TNR: variants seen among roughly 807,000 people sequenced by gnomAD.
TNR encodes the protein tenascin-R.
TNR carries 45 observed loss-of-function variants against 150.4 expected under a neutral mutation model. That is an observed-to-expected ratio of 0.30 (90% confidence interval 0.24 to 0.38). The LOEUF (loss-of-function observed/expected upper bound fraction) is 0.38, where lower values mean the gene tolerates loss of function less well. Ranked by LOEUF, TNR falls within the 10% of genes least tolerant of loss-of-function variation. The pLI is 1.00. For missense variants in TNR, 1,544 were observed against 1,759.1 expected (o/e 0.88, Z 2.19); for synonymous variants, 687 against 678.4 (o/e 1.01, Z -0.20).
At chr1:175,438,308 G>A (rs577562401) in intron 2 of TNR, among the ~76,000 whole-genome samples, 274 of 152,220 alleles carry the variant, frequency 1.8e-3, no homozygotes, top group African/African-American at 6.5e-3. Flanking sequence ...TGTAGAAAAG[G>A]CCTTTGACAA....
At chr1:175,348,340 T>C (rs1453806053) in intron 18 of TNR, among the ~76,000 whole-genome samples, 1 of 152,176 alleles carries the variant, frequency 6.6e-6, no homozygotes, top group Non-Finnish European at 1.5e-5. Flanking sequence ...CCCAAATTAA[T>C]TTATAAATTC....
At chr1:175,507,203 G>C (rs568386768) in intron 2 of TNR, among the ~76,000 whole-genome samples, 15 of 152,310 alleles carry the variant, frequency 9.8e-5, no homozygotes, top group African/African-American at 3.4e-4. Flanking sequence ...AGCAGGGGCA[G>C]TGTCTGGGGA....
At chr1:175,473,579 G>T (rs905825429) in intron 2 of TNR, among the ~76,000 whole-genome samples, 1 of 152,146 alleles carries the variant, frequency 6.6e-6, no homozygotes, top group Non-Finnish European at 1.5e-5. Flanking sequence ...CGGTGAAGTG[G>T]GCAGAGAAGA....
chr1:175,649,860 C>T (rs1386302649), intron 1 of TNR, among the ~76,000 whole-genome samples: 1 of 152,214 alleles, frequency 6.6e-6, no homozygotes, highest in Non-Finnish European at 1.5e-5. Context: ...CTCACATGCA[C>T]CCTCTGTATT....
chr1:175,353,058 A>G (rs1406106940), intron 18 of TNR, among the ~76,000 whole-genome samples: 1 of 152,126 alleles, frequency 6.6e-6, no homozygotes, highest in East Asian at 1.9e-4. Context: ...CCTCACATGT[A>G]TGCACCCACA....
Position 175,379,036 on chromosome 1 carries a change from G to A in TNR, c.1963+516C>T, listed in dbSNP as rs138017736. Among the ~76,000 whole-genome samples, 951 of 152,152 alleles carry A rather than the reference G, an allele frequency of 6.3e-3. 9 individuals carry two copies. Among genetic ancestry groups the A allele is most frequent in the African/African-American group, 0.021 (888 of 41,502 alleles). On this transcript the variant is annotated intron_variant, in intron 9 of 22. Transcript: ENST00000367674. ...CTCTACTAAAAACACAAAATTAGCC[G>A]GGCGTGGTGGCAGATGCCTGTAATC...
chr1:175,647,871 G>A (rs1159773922), intron 1 of TNR, among the ~76,000 whole-genome samples: 1 of 152,060 alleles, frequency 6.6e-6, no homozygotes, highest in Non-Finnish European at 1.5e-5. Context: ...CAAAGCAGAA[G>A]CCCTGTTTTC....
At chr1:175,334,229 C>T (rs1228519768) in intron 20 of TNR, among the ~76,000 whole-genome samples, 1 of 152,192 alleles carries the variant, frequency 6.6e-6, no homozygotes, top group Non-Finnish European at 1.5e-5. Context: ...CTTCTGGCCT[C>T]ACTGGCTGGC....
intron 1 of TNR, among the ~76,000 whole-genome samples, chr1:175,573,720 G>A (rs2102221941): frequency 6.6e-6 from 1 of 152,332 alleles, no homozygotes; most frequent in East Asian, 1.9e-4. Flanking sequence ...AGCACGGCTG[G>A]GGGTGGCAGG....
chr1:175,482,927 G>A (rs1268351062), intron 2 of TNR, among the ~76,000 whole-genome samples: 2 of 152,182 alleles, frequency 1.3e-5, no homozygotes, highest in Non-Finnish European at 2.9e-5. Context: ...CCTGGTGGGC[G>A]CTCCTGGGGA....
chr1:175,711,103 C>T (rs776749212), intron 1 of TNR, among the ~76,000 whole-genome samples: 21 of 152,178 alleles, frequency 1.4e-4, no homozygotes, highest in Non-Finnish European at 3.1e-4. Context: ...ACATTGGTTT[C>T]TCCCTAGTCT....
chr1:175,446,926 T>C (rs1656077757), intron 2 of TNR, among the ~76,000 whole-genome samples: 1 of 152,192 alleles, frequency 6.6e-6, no homozygotes, highest in Non-Finnish European at 1.5e-5. Context: ...GTATGTGTGT[T>C]GTATGCATGT....
chr1:175,534,065 C>T (rs1660174312), intron 1 of TNR, among the ~76,000 whole-genome samples: 1 of 152,162 alleles, frequency 6.6e-6, no homozygotes, highest in Non-Finnish European at 1.5e-5. Context: ...ATGATATTGG[C>T]CTCAGTCTTT....
intron 1 of TNR, among the ~76,000 whole-genome samples, chr1:175,733,221 C>T (rs932246086): frequency 3.9e-5 from 6 of 152,192 alleles, no homozygotes; most frequent in African/African-American, 1.2e-4. Context: ...GAGTGGGAAC[C>T]GGGTCCCTTC....
intron 8 of TNR, among the ~76,000 whole-genome samples, 166 bp downstream of exon 8, chr1:175,385,866 C>T (rs1411567791): frequency 6.6e-6 from 1 of 152,124 alleles, no homozygotes; most frequent in Non-Finnish European, 1.5e-5. Context: ...CGCTGCTTTT[C>T]CTGTATGCTG....
At chr1:175,494,853 A>G (rs1658414892) in intron 2 of TNR, among the ~76,000 whole-genome samples, 1 of 152,152 alleles carries the variant, frequency 6.6e-6, no homozygotes, top group African/African-American at 2.4e-5. Context: ...TGGAGGAAGG[A>G]TGGCACACGG....
intron 7 of TNR, among the ~76,000 whole-genome samples, chr1:175,386,708 G>A (rs1332824265): frequency 1.3e-5 from 2 of 152,146 alleles, no homozygotes; most frequent in African/African-American, 4.8e-5. Context: ...AAAGACCTAG[G>A]AAATGACCAG....
At chr1:175,704,091 A>T (rs1666775408) in intron 1 of TNR, among the ~76,000 whole-genome samples, 1 of 152,234 alleles carries the variant, frequency 6.6e-6, no homozygotes, top group South Asian at 2.1e-4. Context: ...ACAGCATTTC[A>T]GTTTGGGATG....
At position 175,540,002 on chromosome 1, in the gene TNR, T is replaced by G. The variant is rs376954942; in HGVS notation, c.-164-11633A>C. Among the ~76,000 whole-genome samples the G allele has an allele frequency of 4.6e-5, 7 of 151,382 alleles. No individual in the cohort carries two copies. The East Asian group carries it at 7.9e-4, about 17-fold the overall frequency. ...CAAGAATAGAGATAAAGAAGACAAG[T>G]TGAATCTCCCTCACACTTTCTGTGC... On this transcript the variant is annotated intron_variant, in intron 1 of 22. Coordinates refer to ENST00000367674, the MANE Select transcript of TNR (RefSeq NM_003285.3).
Sources: gnomAD v4.1 joint callset for allele counts (sites outside exome capture counted in the v4.1 genomes callset) on GRCh38, gnomAD v4.1.1 for gene constraint, MANE v1.5 for transcripts, NCBI Gene and HGNC (gene_info 2026-07-23, HGNC 2026-07-21) for gene names.